TMEM132E: variants seen among roughly 807,000 people sequenced by gnomAD.
The protein encoded by TMEM132E is transmembrane protein 132E.
In TMEM132E, 49 loss-of-function variants were observed where a neutral mutation model predicts 78.5. The observed-to-expected ratio is 0.62, with a 90% confidence interval of 0.50 to 0.79. TMEM132E has a LOEUF of 0.79. TMEM132E is among the 30% of genes least tolerant of loss of function. The pLI, the probability that TMEM132E is intolerant of heterozygous loss-of-function variation, is 0.00. For synonymous variants in TMEM132E, 715 were observed against 670.6 expected (o/e 1.07, Z -1.02); for missense variants, 1,403 against 1,470.9 (o/e 0.95, Z 0.75).
chr17:34,607,243 C>T (rs932879513), intron 1 of TMEM132E, among the ~76,000 whole-genome samples: 1 of 152,090 alleles, frequency 6.6e-6, no homozygotes. Flanking sequence ...AGCTGCGGAC[C>T]GGGGATACAG....
At chr17:34,622,119 G>T (rs1442264569) in intron 1 of TMEM132E, among the ~76,000 whole-genome samples, 1 of 152,212 alleles carries the variant, frequency 6.6e-6, no homozygotes, top group African/African-American at 2.4e-5. Context: ...ACACACGCGT[G>T]TGTGCACTCA....
chr17:34,603,501 A>G (rs1906309364), intron 1 of TMEM132E, among the ~76,000 whole-genome samples: 1 of 152,188 alleles, frequency 6.6e-6, no homozygotes, highest in Non-Finnish European at 1.5e-5. Context: ...AGAAACCTCC[A>G]TGCCATTCCA....
At position 34,637,831 on chromosome 17, in the gene TMEM132E, C is replaced by A. The variant is rs775994430; in HGVS notation, c.2824C>A (p.Gln942Lys). 1 of 1,611,020 alleles carries A rather than the reference C, an allele frequency of 6.2e-7. No homozygotes were observed. The change falls in exon 9 of 9, where the codon CAG becomes AAG. Residue 942 changes from glutamine to lysine, a missense_variant. Transcript: ENST00000631683. ...SHHWVFLGNGQPLRVQGELSP... is the reference protein window; with the variant it reads ...SHHWVFLGNGKPLRVQGELSP... ...CCACTGGGTGTTCCTGGGCAACGGG[C>A]AGCCGCTGCGGGTGCAAGGAGAGCT...
At chr17:34,584,565 A>G (rs1306935413) in intron 1 of TMEM132E, among the ~76,000 whole-genome samples, 1 of 152,210 alleles carries the variant, frequency 6.6e-6, no homozygotes, top group Non-Finnish European at 1.5e-5. Context: ...GGCAGGAGCC[A>G]TGTCTTCTAT....
chr17:34,589,386 T>G (rs1297812957), intron 1 of TMEM132E, among the ~76,000 whole-genome samples: 1 of 152,150 alleles, frequency 6.6e-6, no homozygotes, highest in Non-Finnish European at 1.5e-5. Flanking sequence ...TAGGGAGCTG[T>G]CATGATGGAG....
intron 1 of TMEM132E, among the ~76,000 whole-genome samples, chr17:34,603,995 C>T (rs1020026088): frequency 2.6e-5 from 4 of 152,202 alleles, no homozygotes; most frequent in East Asian, 3.9e-4. Context: ...GCACCCCTCC[C>T]TCTACTCCCT....
At position 34,599,123 on chromosome 17, in the gene TMEM132E, G is replaced by A. The variant is rs78062280; in HGVS notation, c.67+17980G>A. 0.01 allele frequency among the ~76,000 whole-genome samples: 1,552 copies of A among 152,304 alleles called. 89 individuals are homozygous for A. The East Asian group carries it at 0.17, about 17-fold the overall frequency. On this transcript the variant is annotated intron_variant, in intron 1 of 8. Coordinates refer to ENST00000631683, the MANE Select transcript of TMEM132E (RefSeq NM_001304438.2). ...CCAACTGGAGCAGTGCAAACCTTAG[G>A]CAAAACCTTGCAAGATGGGTGGGAG...
rs1907556962 is a variant in TMEM132E at position 34,637,373 on chromosome 17, T to C, written c.2366T>C (p.Ile789Thr). The stretch of plus-strand genomic sequence containing the variant: ...GAGCTGCTTCGCGCAGAGCTAACCA[T>C]CGCTGAGAGCTGCCAGAAAACCAAA... ...SGELLRAELT[I>T]AESCQKTKRK... Residue 789 changes from isoleucine to threonine, a missense_variant, in exon 9 of 9, where the codon ATC becomes ACC. By Grantham distance (89) the Ile-to-Thr change is moderately conservative. Transcript: ENST00000631683. The C allele has an allele frequency of 1.2e-6, 2 of 1,613,798 alleles. No homozygotes were observed. The highest frequency in any genetic ancestry group is 1.7e-6 in the Non-Finnish European group (2 of 1,180,036).
intron 8 of TMEM132E, among the ~76,000 whole-genome samples, chr17:34,636,405 C>A (rs1014611433): frequency 6.6e-6 from 1 of 152,320 alleles, no homozygotes; most frequent in African/African-American, 2.4e-5. Flanking sequence ...GCTGCTCTTG[C>A]CACCTGAGAT....
At chr17:34,623,925 T>G (rs1381707781) in intron 1 of TMEM132E, among the ~76,000 whole-genome samples, 1 of 152,178 alleles carries the variant, frequency 6.6e-6, no homozygotes, top group African/African-American at 2.4e-5. Context: ...CTGTCCTCAC[T>G]TGGACTCTGC....
chr17:34,598,841 C>T (rs1207533560), intron 1 of TMEM132E, among the ~76,000 whole-genome samples: 1 of 152,180 alleles, frequency 6.6e-6, no homozygotes, highest in Non-Finnish European at 1.5e-5. Flanking sequence ...TTTTGGGTTT[C>T]CCTGGGGTGG....
intron 1 of TMEM132E, among the ~76,000 whole-genome samples, chr17:34,595,592 G>C (rs887036342): frequency 6.6e-6 from 1 of 152,176 alleles, no homozygotes; most frequent in Non-Finnish European, 1.5e-5. Flanking sequence ...ATGGGACAAG[G>C]GCTGGCAGGG....
At chr17:34,611,046 G>A (rs1906574285) in intron 1 of TMEM132E, among the ~76,000 whole-genome samples, 1 of 152,176 alleles carries the variant, frequency 6.6e-6, no homozygotes, top group Non-Finnish European at 1.5e-5. Context: ...CTGTTTTTCA[G>A]GGTCTTATCA....
chr17:34,626,808 G>C lies in TMEM132E; in HGVS notation c.749G>C (p.Arg250Pro). ...TCGGGGGGCTGCGGGGGCTCCCGCC[G>C]GGGGGCCGGGCCCGGGGTGGGGGCC... ...DASGGCGGSR[R>P]GAGPGVGARA... The change falls in exon 2 of 9, where the codon CGG becomes CCG. Residue 250 changes from arginine (R) to proline (P), a missense_variant. Around this residue, in one of 3 missense-constraint regions of TMEM132E, gnomAD observed 511 missense variants for 499.0 expected, o/e 1.02. Coordinates refer to ENST00000631683, the MANE Select transcript of TMEM132E (RefSeq NM_001304438.2). 5.2e-6 allele frequency: 8 copies of C among 1,525,518 alleles called. No individual in the cohort carries two copies. The highest frequency in any genetic ancestry group is 7.0e-6 in the Non-Finnish European group (8 of 1,139,946). The allele number at this position is 1,525,518 out of a possible 1,614,324, so 94.5% of individuals were successfully genotyped here.
intron 1 of TMEM132E, among the ~76,000 whole-genome samples, chr17:34,613,223 G>A (rs116749736): frequency 2.0e-5 from 3 of 148,318 alleles, no homozygotes; most frequent in South Asian, 2.1e-4. Context: ...GCGCGCGCGC[G>A]CGCGTTCTTA....
intron 1 of TMEM132E, among the ~76,000 whole-genome samples, chr17:34,625,642 G>A (rs1055009862): frequency 1.3e-5 from 2 of 149,220 alleles, no homozygotes; most frequent in Admixed American, 6.6e-5. Context: ...GATGAAATAC[G>A]CTAAGGCCTG....
chr17:34,638,522 C>T lies in TMEM132E; in HGVS notation c.*290C>T, dbSNP rs1907631890. On this transcript the variant is annotated 3_prime_UTR_variant, in exon 9 of 9. Coordinates refer to ENST00000631683, the MANE Select transcript of TMEM132E (RefSeq NM_001304438.2). ...CTGCCCTTTCCAAACCTCCTCCCAT[C>T]TTAAGCAACCCCCTGCCCCAAGAGT... 1 of 349,546 alleles carries T rather than the reference C, an allele frequency of 2.9e-6. No individual in the cohort carries two copies. 21.7% of individuals were successfully genotyped at this position (349,546 alleles called of 1,614,324 possible). A position where few individuals can be genotyped will look rare whatever the true frequency, so the allele number is the denominator to read the frequency against.
intron 1 of TMEM132E, among the ~76,000 whole-genome samples, chr17:34,593,430 G>T (rs1344326262): frequency 6.6e-6 from 1 of 152,190 alleles, no homozygotes; most frequent in Admixed American, 6.5e-5. Flanking sequence ...GCCACATGTG[G>T]TGAGTGGCCA....
chr17:34,635,782 T>G, intron 7 of TMEM132E: 5 of 388,920 alleles, frequency 1.3e-5, no homozygotes, highest in Non-Finnish European at 1.8e-5. Context: ...ACCTCTCTCA[T>G]TTGTGTTCCC....
Sources: allele counts gnomAD v4.1 joint callset (sites outside exome capture counted in the v4.1 genomes callset), GRCh38; gene constraint gnomAD v4.1.1; regional missense constraint gnomAD v4.1.1; transcripts MANE v1.5; gene names NCBI Gene and HGNC (gene_info 2026-07-23, HGNC 2026-07-21).